RIF1: variants seen among roughly 807,000 people sequenced by gnomAD.
The protein encoded by RIF1 is telomere-associated protein RIF1.
A neutral mutation model predicts 247.1 loss-of-function variants in RIF1; 45 were observed. The observed-to-expected ratio is 0.18, with a 90% CI of 0.14 to 0.23. The LOEUF (loss-of-function observed/expected upper bound fraction) is 0.23. RIF1 is among the 10% of genes least tolerant of loss of function. RIF1 has a pLI of 1.00. For synonymous variants in RIF1, 1,087 were observed against 978.8 expected, an observed-to-expected ratio of 1.11 and a Z score of -2.06; for missense variants, 2,967 against 2,862.5, an observed-to-expected ratio of 1.04 and a Z score of -0.83.
intron 20 of RIF1, among the ~76,000 whole-genome samples, chr2:151,447,154 A>G (rs1407741999): frequency 6.6e-6 from 1 of 151,666 alleles, no homozygotes; most frequent in Non-Finnish European, 1.5e-5. Flanking sequence ...CGTGTTAGCC[A>G]GGATGGTCTC....
At chr2:151,467,602 C>T (rs1356630765) in intron 30 of RIF1, among the ~76,000 whole-genome samples, 1 of 152,130 alleles carries the variant, frequency 6.6e-6, no homozygotes, top group African/African-American at 2.4e-5. Context: ...CTTGGCCTCC[C>T]AAAGTGCTGG....
At chr2:151,468,329 C>T (rs1323284779) in intron 31 of RIF1, 145 bp from the exon 32 acceptor site, 2 of 815,392 alleles carry the variant, frequency 2.5e-6, no homozygotes, top group African/African-American at 1.7e-5. Context: ...AGTAATGATC[C>T]AGCAAGTAAT....
intron 8 of RIF1, 68 bp from the exon 9 acceptor site, chr2:151,428,716 A>G: frequency 8.2e-7 from 1 of 1,222,782 alleles, no homozygotes. Context: ...GAATGAATAA[A>G]GGAATGATAG....
chr2:151,425,246 T>C (rs374068920), intron 8 of RIF1, among the ~76,000 whole-genome samples: 9 of 152,282 alleles, frequency 5.9e-5, no homozygotes, highest in African/African-American at 1.7e-4. Flanking sequence ...TGAGTAGGTT[T>C]GAATTTTTGT....
intron 31 of RIF1, among the ~76,000 whole-genome samples, 157 bp downstream of exon 31, chr2:151,468,303 C>T (rs929404671): frequency 6.6e-6 from 1 of 152,078 alleles, no homozygotes; most frequent in African/African-American, 2.4e-5. Flanking sequence ...GGAAGAGAAG[C>T]AGAAAGGTAA....
chr2:151,528,004 A>T, the RIF1 span, among the ~76,000 whole-genome samples: 1 of 152,242 alleles, frequency 6.6e-6, no homozygotes, highest in Non-Finnish European at 1.5e-5. Flanking sequence ...AATTAAATGA[A>T]TTATAAAATT....
At chr2:151,533,097 C>A in the RIF1 span, among the ~76,000 whole-genome samples, 21 of 152,334 alleles carry the variant, frequency 1.4e-4, 1 homozygote, top group East Asian at 2.7e-3. Context: ...AGACCTTTTA[C>A]ATGCTGTTGA....
rs781644486 is a variant in RIF1 at position 151,465,063 on chromosome 2, C to G, written c.5543C>G (p.Ser1848Cys). 6.3e-7 allele frequency: 1 copy of G among 1,593,958 alleles called. No individual in the cohort carries two copies. Among genetic ancestry groups the G allele is most frequent in the East Asian group, 2.2e-5 (1 of 44,788 alleles). Residue 1848 changes from serine (S) to cysteine (C), a missense_variant, in exon 30 of 36, where the codon TCT (serine) becomes TGT (cysteine). Transcript: ENST00000444746. ...ICDMDSSEAM[S>C]LESQESPNEN... ...GATATGGATTCTAGTGAAGCAATGT[C>G]TCTTGAAAGCCAGGAGTCACCTAAT...
chr2:151,423,124 G>T, intron 8 of RIF1, 82 bp downstream of exon 8: 1 of 761,094 alleles, frequency 1.3e-6, no homozygotes. Flanking sequence ...TACAGTTGAT[G>T]CTCATTATTT....
intron 10 of RIF1, among the ~76,000 whole-genome samples, chr2:151,498,851 C>G (rs1325547255): frequency 1.3e-5 from 2 of 150,344 alleles, no homozygotes; most frequent in Admixed American, 6.6e-5. Flanking sequence ...ACATTGAGAA[C>G]AACGATGTTT....
chr2:151,524,653 G>A, the RIF1 span: 1 of 515,230 alleles, frequency 1.9e-6, no homozygotes, highest in South Asian at 2.1e-5. Flanking sequence ...CAAGAGAGAG[G>A]CTTTTTTTTT....
At chr2:151,489,966 C>T in intron 9 of RIF1, 1 of 1,564,470 alleles carries the variant, frequency 6.4e-7, no homozygotes, top group Non-Finnish European at 8.8e-7. Context: ...TTGTTATTCA[C>T]TTACTCCAGC....
chr2:151,435,350 C>A (rs547364087), intron 10 of RIF1, 113 bp from the exon 11 acceptor site: 4 of 675,922 alleles, frequency 5.9e-6, no homozygotes, highest in African/African-American at 5.4e-5. Context: ...TGGAAACGAT[C>A]TGTAAAATGG....
At chr2:151,466,212 C>A in intron 30 of RIF1, 92 bp downstream of exon 30, 1 of 683,308 alleles carries the variant, frequency 1.5e-6, no homozygotes, top group Non-Finnish European at 2.5e-6. Flanking sequence ...CAAAATATTA[C>A]AATTATATGG....
chr2:151,419,131 ATCT>A (rs1558935668), intron 6 of RIF1, among the ~76,000 whole-genome samples: 1 of 151,980 alleles, frequency 6.6e-6, no homozygotes, highest in Non-Finnish European at 1.5e-5. Flanking sequence ...TGGAGCTGTC[ATCT>A]TCTGTGATTG....
chr2:151,506,269 A>G (rs1026058576), exon 13 of RIF1: 9 of 1,592,670 alleles, frequency 5.7e-6, no homozygotes, highest in Non-Finnish European at 7.8e-6. Flanking sequence ...CTGGGCATTC[A>G]GAATCAGGAC....
intron 3 of RIF1, 65 bp downstream of exon 3, chr2:151,411,403 T>G (rs1272850318): frequency 8.8e-7 from 1 of 1,135,128 alleles, no homozygotes; most frequent in African/African-American, 1.6e-5. Context: ...TTGGTTTTGT[T>G]TTTTTGTTTT....
intron 20 of RIF1, among the ~76,000 whole-genome samples, chr2:151,448,261 C>T (rs1693665542): frequency 6.6e-6 from 1 of 152,120 alleles, no homozygotes; most frequent in Non-Finnish European, 1.5e-5. Flanking sequence ...CCAGGCTGGT[C>T]TTGAACTCCT....
In RIF1 at chr2:151,462,939, G is replaced by T; in HGVS notation, c.3419G>T (p.Gly1140Val). Residue 1140 changes from glycine to valine, a missense_variant, in exon 30 of 36, where the codon GGT becomes GTT. Physicochemically the swap from Gly to Val is moderately radical, Grantham distance 109. This residue lies in a region of RIF1 where 2,028 missense variants were observed against 1,825.6 expected (regional missense o/e 1.11). Transcript: ENST00000444746. ...CCTCAAGATGTCACGGAAGACTGTG[G>T]TATGGCTGAACATCTTGAAAAGTCC... ...VIPQDVTEDCGMAEHLEKSSL... is the reference protein window; with the variant it reads ...VIPQDVTEDCVMAEHLEKSSL... 9 of 1,613,742 alleles carry T rather than the reference G, an allele frequency of 5.6e-6. No individual in the cohort carries two copies. The highest frequency in any genetic ancestry group is 7.6e-6 in the Non-Finnish European group (9 of 1,179,880).
Sources: allele counts gnomAD v4.1 joint callset (sites outside exome capture counted in the v4.1 genomes callset), GRCh38; gene constraint gnomAD v4.1.1; regional missense constraint gnomAD v4.1.1; transcripts MANE v1.5; gene names NCBI Gene and HGNC (gene_info 2026-07-23, HGNC 2026-07-21).